ZNF45: variants seen among roughly 807,000 people sequenced by gnomAD.
ZNF45 encodes the protein zinc finger protein 45.
In ZNF45, 4 loss-of-function variants were observed where a neutral mutation model predicts 12.0. The ratio of observed to expected loss-of-function variants is 0.33; its 90% CI spans 0.16 to 0.76. The LOEUF (loss-of-function observed/expected upper bound fraction) is 0.76, where lower values mean the gene tolerates loss of function less well. ZNF45 is among the 30% of genes least tolerant of loss of function. The pLI is 0.60. For missense variants in ZNF45, 700 were observed against 813.0 expected, an observed-to-expected ratio of 0.86 and a Z score of 1.69; for synonymous variants, 272 against 279.6, an observed-to-expected ratio of 0.97 and a Z score of 0.27.
chr19:43,913,532 G>A lies in ZNF45; in HGVS notation c.1904C>T (p.Thr635Ile). The change falls in exon 10 of 10, where the codon ACC (threonine) becomes ATC (isoleucine). Residue 635 changes from threonine to isoleucine, a missense_variant. By Grantham distance (89) the Thr-to-Ile change is moderately conservative (BLOSUM62 -1). Transcript: ENST00000269973. ...CTCACATTTGTATGGTTTTTCTCCGGTGTGAACTCTTTGATGGGCTTGAAG... is the reference window on the plus strand; with the variant it reads ...CTCACATTTGTATGGTTTTTCTCCGATGTGAACTCTTTGATGGGCTTGAAG... Reference protein sequence around the residue: ...SYLQAHQRVHTGEKPYKCEEC... With the variant: ...SYLQAHQRVHIGEKPYKCEEC... 6.2e-7 allele frequency: 1 copy of A among 1,613,824 alleles called. No individual in the cohort carries two copies. The highest frequency in any genetic ancestry group is 8.5e-7 in the Non-Finnish European group (1 of 1,179,910).
At position 43,918,249 on chromosome 19, in the gene ZNF45, A is replaced by G. The variant is rs528079177; in HGVS notation, c.235+621T>C. Among the ~76,000 whole-genome samples the G allele has an allele frequency of 9.2e-5, 14 of 152,350 alleles. No homozygotes were observed. In the South Asian group the frequency reaches 2.9e-3, roughly 32 times the overall value. On this transcript the variant is annotated intron_variant, in intron 9 of 9. Coordinates refer to ENST00000269973, the MANE Select transcript of ZNF45 (RefSeq NM_003425.4). ...TATTCTAAAAAGTAGTTCTTCACCA[A>G]GTGAGCAAGATTCACTATTAACAGC...
intron 6 of ZNF45, among the ~76,000 whole-genome samples, chr19:43,923,015 G>A (rs1025209506): frequency 6.6e-5 from 10 of 151,466 alleles, no homozygotes; most frequent in Non-Finnish European, 1.3e-4. Context: ...TTGTAGAGAC[G>A]AGGTCATGCT....
At position 43,914,768 on chromosome 19, in the gene ZNF45, TC is replaced by T; in HGVS notation, c.667del (p.Asp223MetfsTer45). ...VHSRAKSYTNDASYRSFSQRS... is the reference protein window; with the variant it reads ...VHSRAKSYTNXASYRSFSQRS... ...CTGACTAAAACTCCTGTAACTTGCATCATTTGTGTATGATTTTGCTCTACTG... is the reference window on the plus strand; with the variant it reads ...CTGACTAAAACTCCTGTAACTTGCATATTTGTGTATGATTTTGCTCTACTG... On this transcript the variant is annotated frameshift_variant, in exon 10 of 10. Coordinates refer to ENST00000269973, the MANE Select transcript of ZNF45 (RefSeq NM_003425.4). LOFTEE classifies it low-confidence loss of function (END_TRUNC). 6.2e-7 allele frequency: 1 copy of T among 1,614,164 alleles called. No homozygotes were observed. Among genetic ancestry groups the T allele is most frequent in the Non-Finnish European group, 8.5e-7 (1 of 1,180,036 alleles).
rs140323006 is a variant in ZNF45, at chr19:43,913,561, T to G, written c.1875A>C (p.Ser625=). 54 of 1,613,210 alleles carry G rather than the reference T, an allele frequency of 3.3e-5. No homozygotes were observed. The highest frequency in any genetic ancestry group is 4.3e-5 in the Non-Finnish European group (51 of 1,179,834). The change falls in exon 10 of 10, where the codon TCA becomes TCC. Residue 625 remains serine, a synonymous_variant. Transcript: ENST00000269973. The part of the protein sequence containing the change: ...EECGKVFSWS[S]YLQAHQRVHT... ...GAACTCTTTGATGGGCTTGAAGGTA[T>G]GAGCTCCAGCTGAAGACTTTCCCAC...
At chr19:43,919,066 G>T in intron 8 of ZNF45, 104 bp from the exon 9 acceptor site, 2 of 890,298 alleles carry the variant, frequency 2.2e-6, no homozygotes, top group Non-Finnish European at 3.6e-6. Context: ...CAAACTTAGT[G>T]TTTTCCACAC....
At chr19:43,932,540 T>G (rs565870724) in intron 3 of ZNF45, 64 bp downstream of exon 3, 2 of 152,344 alleles carry the variant, frequency 1.3e-5, no homozygotes, top group South Asian at 4.1e-4. Context: ...TATTTTGTTC[T>G]CTAATTGCAA....
chr19:43,932,838 G>A (rs1394409895), intron 2 of ZNF45, 148 bp from the exon 3 acceptor site: 1 of 152,228 alleles, frequency 6.6e-6, no homozygotes, highest in East Asian at 1.9e-4. Flanking sequence ...GCTGCCAGGA[G>A]TGAAAAACCT....
rs200727389 is a variant in ZNF45, at chr19:43,913,988, C to T, written c.1448G>A (p.Arg483Gln). 21 of 1,611,526 alleles carry T rather than the reference C, an allele frequency of 1.3e-5. No homozygotes were observed. Among genetic ancestry groups the T allele is most frequent in the Non-Finnish European group, 1.4e-5 (16 of 1,179,206 alleles). The change falls in exon 10 of 10, where the codon CGG (arginine) becomes CAG (glutamine). Residue 483 changes from arginine (R) to glutamine (Q), a missense_variant. Coordinates refer to ENST00000269973, the MANE Select transcript of ZNF45 (RefSeq NM_003425.4). ...KCGTCGKGFS[R>Q]SSDLNVHCRI... ...ACAGTGTACATTAAGATCTGAGCTC[C>T]GACTGAAGCCCTTCCCACATGTACC...
chr19:43,914,540 G>C lies in ZNF45; in HGVS notation c.896C>G (p.Thr299Ser). 2.5e-6 allele frequency: 4 copies of C among 1,612,762 alleles called. No individual in the cohort carries two copies. Among genetic ancestry groups the C allele is most frequent in the Non-Finnish European group, 3.4e-6 (4 of 1,178,964 alleles). The change falls in exon 10 of 10, where the codon ACT becomes AGT. Residue 299 changes from threonine to serine, a missense_variant. Physicochemically the swap from Thr to Ser is moderately conservative, Grantham distance 58. Coordinates refer to ENST00000269973, the MANE Select transcript of ZNF45 (RefSeq NM_003425.4). ...TTCACACTTATATGGTTTCTTTCCAGTGTGAACTTTCAGATGAACTTGAAG... is the reference window on the plus strand; with the variant it reads ...TTCACACTTATATGGTTTCTTTCCACTGTGAACTTTCAGATGAACTTGAAG... ...SYLQVHLKVH[T>S]GKKPYKCEEC...
chr19:43,932,777 T>A (rs1301991117), intron 2 of ZNF45, 87 bp from the exon 3 acceptor site: 1 of 152,200 alleles, frequency 6.6e-6, no homozygotes, highest in Non-Finnish European at 1.5e-5. Context: ...TCATCTTTCT[T>A]TTCCTAATTG....
chr19:43,920,033 A>T (rs1973002444), intron 7 of ZNF45, among the ~76,000 whole-genome samples: 1 of 152,202 alleles, frequency 6.6e-6, no homozygotes, highest in South Asian at 2.1e-4. Context: ...TCCCTGTCTT[A>T]TCCTTCCCCC....
intron 9 of ZNF45, among the ~76,000 whole-genome samples, chr19:43,917,431 T>C (rs1395863131): frequency 3.3e-5 from 5 of 152,200 alleles, no homozygotes; most frequent in African/African-American, 1.2e-4. Flanking sequence ...TCCTTTAAGT[T>C]GAAGCCTACA....
intron 4 of ZNF45, 87 bp downstream of exon 4, chr19:43,925,238 G>A (rs1973579236): frequency 6.6e-6 from 1 of 152,166 alleles, no homozygotes; most frequent in African/African-American, 2.4e-5. Context: ...CAGTCTCCAG[G>A]ACTGTGAGTT....
At position 43,913,693 on chromosome 19, in the gene ZNF45, T is replaced by G. The variant is rs938937448; in HGVS notation, c.1743A>C (p.Glu581Asp). Reference sequence around the variant, plus strand: ...CACACACATCACATCGGTATGGTTTTTCTCCTGTGTGGACTCCACGATGTG... The same window carrying G: ...CACACACATCACATCGGTATGGTTTGTCTCCTGTGTGGACTCCACGATGTG... ...FLAHRGVHTGEKPYRCDVCGK... is the reference protein window; with the variant it reads ...FLAHRGVHTGDKPYRCDVCGK... The change falls in exon 10 of 10, where the codon GAA becomes GAC. Residue 581 changes from glutamate to aspartate, a missense_variant. Physicochemically the swap from Glu to Asp is conservative, Grantham distance 45. Transcript: ENST00000269973. 6.2e-7 allele frequency: 1 copy of G among 1,612,054 alleles called. No individual in the cohort carries two copies. The highest frequency in any genetic ancestry group is 1.4e-5 in the African/African-American group (1 of 74,056).
chr19:43,929,908 T>G (rs1399884155), intron 3 of ZNF45: 2 of 152,222 alleles, frequency 1.3e-5, no homozygotes, highest in African/African-American at 2.4e-5. Context: ...ACTAATAAAC[T>G]GCTACCAACC....
chr19:43,930,104 C>T (rs1182400832), intron 3 of ZNF45: 1 of 152,168 alleles, frequency 6.6e-6, no homozygotes, highest in Non-Finnish European at 1.5e-5. Flanking sequence ...CTGGTAAGGG[C>T]CTTTTTGCTG....
chr19:43,934,201 A>G (rs1974347630), intron 2 of ZNF45, among the ~76,000 whole-genome samples: 1 of 152,188 alleles, frequency 6.6e-6, no homozygotes, highest in South Asian at 2.1e-4. Flanking sequence ...AATTGGTGTA[A>G]TAACAGTACC....
At chr19:43,933,964 C>T (rs1031278286) in intron 2 of ZNF45, among the ~76,000 whole-genome samples, 1 of 152,160 alleles carries the variant, frequency 6.6e-6, no homozygotes, top group Non-Finnish European at 1.5e-5. Flanking sequence ...ATTCCAACCT[C>T]CCTCCCCAAC....
chr19:43,915,275 C>T (rs1253677414), intron 9 of ZNF45, 75 bp from the exon 10 acceptor site: 34 of 1,402,220 alleles, frequency 2.4e-5, no homozygotes, highest in Non-Finnish European at 2.7e-5. Context: ...TTTATAAACT[C>T]GGGCCCATAG....
Sources: allele counts gnomAD v4.1 joint callset (sites outside exome capture counted in the v4.1 genomes callset), GRCh38; gene constraint gnomAD v4.1.1; transcripts MANE v1.5; gene names NCBI Gene and HGNC (gene_info 2026-07-23, HGNC 2026-07-21).